The following FHIP2A variants were observed in gnomAD, a reference collection of about 807,000 sequenced individuals.
FHIP2A encodes family with sequence similarity 160 member B1.
Under a neutral mutation model 93.5 loss-of-function variants are expected in FHIP2A, and 46 were observed. The ratio of observed to expected loss-of-function variants is 0.49; its 90% CI spans 0.39 to 0.63. FHIP2A has a LOEUF of 0.63. Ranked by LOEUF, FHIP2A falls within the 20% of genes least tolerant of loss-of-function variation. FHIP2A has a pLI of 0.00. For missense variants in FHIP2A, 769 were observed against 909.7 expected (o/e 0.85, Z 1.99); for synonymous variants, 332 against 326.5 (o/e 1.02, Z -0.18).
At chr10:114,869,506 C>T (rs1277842605), downstream of FHIP2A, among the ~76,000 whole-genome samples, 1 of 152,044 alleles carries the variant, frequency 6.6e-6, no homozygotes, top group Non-Finnish European at 1.5e-5. Context: ...TCTTAAGCTG[C>T]GTTGGTGTTG....
At chr10:114,861,081 G>A (rs7072364) in intron 15 of FHIP2A, 150 bp from the exon 16 acceptor site, 365,274 of 1,035,238 alleles carry the variant, frequency 0.35, 68,861 homozygotes, top group Non-Finnish European at 0.38. Flanking sequence ...AAAGAATTAG[G>A]TATGAGTCCT....
At chr10:114,893,564 C>G (rs1004034776) in intron 16 of FHIP2A, among the ~76,000 whole-genome samples, 1 of 152,194 alleles carries the variant, frequency 6.6e-6, no homozygotes, top group Admixed American at 6.5e-5. Context: ...AATCCCTGAA[C>G]TCTATGCTTC....
intron 1 of FHIP2A, among the ~76,000 whole-genome samples, chr10:114,826,821 C>A (rs2083579473): frequency 4.6e-5 from 7 of 152,114 alleles, no homozygotes; most frequent in Admixed American, 2.6e-4. Flanking sequence ...TGATGAAACC[C>A]CATCTTTACT....
chr10:114,892,585 T>C (rs11196969), intron 16 of FHIP2A, among the ~76,000 whole-genome samples: 71,618 of 151,760 alleles, frequency 0.47, 17,941 homozygotes, highest in African/African-American at 0.63. Flanking sequence ...TTGCAGTGAG[T>C]GGAGACGGTG....
intron 14 of FHIP2A, among the ~76,000 whole-genome samples, chr10:114,857,793 A>G (rs535658027): frequency 1.2e-4 from 18 of 152,322 alleles, no homozygotes; most frequent in African/African-American, 4.1e-4. Flanking sequence ...TCATAACACT[A>G]TTGTGTTATC....
At position 114,847,184 on chromosome 10, in the gene FHIP2A, G is replaced by A; in HGVS notation, c.1663G>A (p.Asp555Asn). The change falls in exon 12 of 17, where the codon GAC becomes AAC. Residue 555 changes from aspartate to asparagine, a missense_variant. Physicochemically the swap from Asp to Asn is conservative, Grantham distance 23 (BLOSUM62 1). Transcript: ENST00000369248. Reference protein sequence around the residue: ...WLSSSPPATPDHPKNDGKTEV... With the variant: ...WLSSSPPATPNHPKNDGKTEV... ...TAGTTCTTCACCTCCTGCTACTCCAGACCACCCCAAAAATGATGGAAAAAC... is the reference window on the plus strand; with the variant it reads ...TAGTTCTTCACCTCCTGCTACTCCAAACCACCCCAAAAATGATGGAAAAAC... 6.2e-7 allele frequency: 1 copy of A among 1,613,618 alleles called. No individual in the cohort carries two copies. The highest frequency in any genetic ancestry group is 8.5e-7 in the Non-Finnish European group (1 of 1,179,786).
At chr10:114,844,296 C>A (rs780403288) in intron 7 of FHIP2A, among the ~76,000 whole-genome samples, 3 of 152,178 alleles carry the variant, frequency 2.0e-5, no homozygotes, top group Non-Finnish European at 4.4e-5. Context: ...TGTCTCCTGG[C>A]CTGTTTGTAC....
chr10:114,864,797 C>T, downstream of FHIP2A: 10 of 632,006 alleles, frequency 1.6e-5, no homozygotes, highest in Non-Finnish European at 2.0e-5. Flanking sequence ...CTTTTTGCAC[C>T]CCCAGCACAC....
intron 5 of FHIP2A, among the ~76,000 whole-genome samples, chr10:114,837,616 A>G (rs1278478136): frequency 6.6e-6 from 1 of 152,164 alleles, no homozygotes; most frequent in East Asian, 1.9e-4. Context: ...GCATTCTGTG[A>G]GCTTGATGAA....
intron 11 of FHIP2A, 102 bp from the exon 12 acceptor site, chr10:114,846,988 C>A: frequency 8.9e-7 from 1 of 1,124,722 alleles, no homozygotes; most frequent in Non-Finnish European, 1.3e-6. Context: ...TTTATATTAG[C>A]AAAATTATGT....
chr10:114,823,480 AATTTTATTTATTTATTT>A (rs559076992), intron 1 of FHIP2A, among the ~76,000 whole-genome samples: 289 of 151,344 alleles, frequency 1.9e-3, no homozygotes, highest in Non-Finnish European at 3.2e-3. Context: ...AGAATCATTT[AATTTTATTTATTTATTT>A]ATTTATTTAT....
In FHIP2A at chr10:114,861,606, T is replaced by C. The variant is rs1592026398; in HGVS notation, c.*66T>C. 2 of 1,575,066 alleles carry C rather than the reference T, an allele frequency of 1.3e-6. No homozygotes were observed. ...TACATTTCACCAAAAAAGACTCAGT[T>C]CCACCCAGCCACAAGAGGATAAAAA... On this transcript the variant is annotated 3_prime_UTR_variant, in exon 17 of 17. Coordinates refer to ENST00000369248, the MANE Select transcript of FHIP2A (RefSeq NM_020940.4).
intron 12 of FHIP2A, among the ~76,000 whole-genome samples, chr10:114,847,854 C>CTCCT (rs2083711333): frequency 6.6e-6 from 1 of 150,992 alleles, no homozygotes; most frequent in Non-Finnish European, 1.5e-5. Context: ...TCAAGCGATT[C>CTCCT]TCCTGCCTCA....
chr10:114,844,025 T>C (rs1250322501), intron 7 of FHIP2A, 88 bp downstream of exon 7: 3 of 1,141,840 alleles, frequency 2.6e-6, no homozygotes, highest in Admixed American at 2.8e-5. Context: ...ATGGTAGAAG[T>C]CTTTGAAAAA....
At chr10:114,860,595 G>A (rs566729902) in intron 14 of FHIP2A, among the ~76,000 whole-genome samples, 154 bp from the exon 15 acceptor site, 5 of 151,980 alleles carry the variant, frequency 3.3e-5, no homozygotes, top group East Asian at 1.9e-4. Flanking sequence ...CAGGTGATCC[G>A]CCCGCCTCAG....
chr10:114,866,388 A>G (rs2083829493), downstream of FHIP2A, among the ~76,000 whole-genome samples: 1 of 152,136 alleles, frequency 6.6e-6, no homozygotes, highest in Non-Finnish European at 1.5e-5. Context: ...TGGGTTGATT[A>G]CAGAAAATCA....
intron 16 of FHIP2A, among the ~76,000 whole-genome samples, chr10:114,874,596 G>A (rs1341092098): frequency 1.3e-5 from 2 of 152,126 alleles, no homozygotes; most frequent in East Asian, 1.9e-4. Flanking sequence ...TCCGCCTCCC[G>A]GGTTCAAGCG....
chr10:114,833,093 C>A, intron 2 of FHIP2A, 140 bp from the exon 3 acceptor site: 1 of 616,566 alleles, frequency 1.6e-6, no homozygotes, highest in Non-Finnish European at 2.8e-6. Flanking sequence ...GATAATCATA[C>A]TGTGTTTATA....
At chr10:114,848,047 T>C (rs113486389) in intron 12 of FHIP2A, among the ~76,000 whole-genome samples, 11 of 152,356 alleles carry the variant, frequency 7.2e-5, no homozygotes, top group African/African-American at 2.6e-4. Flanking sequence ...AAGATGTACT[T>C]ATTAAACATG....
Sources: allele counts gnomAD v4.1 joint callset (sites outside exome capture counted in the v4.1 genomes callset), GRCh38; gene constraint gnomAD v4.1.1; transcripts MANE v1.5; gene names NCBI Gene and HGNC (gene_info 2026-07-23, HGNC 2026-07-21).